Variants in ARHGEF28 observed in about 807,000 individuals in gnomAD.
ARHGEF28 encodes the protein 190 kDa guanine nucleotide exchange factor.
ARHGEF28 carries 152 observed loss-of-function variants against 206.6 expected under a neutral mutation model. The ratio of observed to expected loss-of-function variants is 0.74; its 90% CI spans 0.64 to 0.84. ARHGEF28 has a LOEUF of 0.84. Ranked by LOEUF, ARHGEF28 falls within the 40% of genes least tolerant of loss-of-function variation. ARHGEF28 has a pLI of 0.00. For synonymous variants in ARHGEF28, 763 were observed against 776.4 expected (o/e 0.98, Z 0.29); for missense variants, 2,028 against 2,073.2 (o/e 0.98, Z 0.42).
chr5:73,661,559 A>G (rs899443694), intron 1 of ARHGEF28, among the ~76,000 whole-genome samples: 4 of 152,118 alleles, frequency 2.6e-5, no homozygotes, highest in African/African-American at 9.7e-5. Flanking sequence ...ACTAAGCTCA[A>G]TAATTTCTTG....
intron 2 of ARHGEF28, among the ~76,000 whole-genome samples, chr5:73,691,381 C>T (rs1033767693): frequency 1.3e-5 from 2 of 152,104 alleles, no homozygotes; most frequent in African/African-American, 4.8e-5. Flanking sequence ...GACAGGACCC[C>T]ATTTCCCCTC....
At chr5:73,705,653 G>C (rs1020834329) in intron 2 of ARHGEF28, among the ~76,000 whole-genome samples, 1 of 152,118 alleles carries the variant, frequency 6.6e-6, no homozygotes, top group African/African-American at 2.4e-5. Context: ...TAATGGGATG[G>C]GAAGGGGAGC....
intron 35 of ARHGEF28, among the ~76,000 whole-genome samples, chr5:73,916,386 C>T (rs1763213225): frequency 6.6e-6 from 1 of 152,118 alleles, no homozygotes; most frequent in Non-Finnish European, 1.5e-5. Context: ...ACTAGGGCTG[C>T]CATAACAAAG....
At position 73,806,399 on chromosome 5, in the gene ARHGEF28, C is replaced by CA. The variant is rs556350291; in HGVS notation, c.1024+11009dup. On this transcript the variant is annotated intron_variant, in intron 9 of 35. Transcript: ENST00000513042. ...ATATATAGATATATAGATATATATA[C>CA]ATATATAGATATATAGATATATACT... Among the ~76,000 whole-genome samples the CA allele has an allele frequency of 9.5e-4, 113 of 119,156 alleles. 12 individuals are homozygous for CA. The highest frequency in any genetic ancestry group is 3.5e-3 in the African/African-American group (103 of 29,758). The allele number at this position is 119,156 out of a possible 152,430, so 78.2% of individuals were successfully genotyped here. A position where few individuals can be genotyped will look rare whatever the true frequency, so the allele number is the denominator to read the frequency against.
chr5:73,916,064 AT>A lies in ARHGEF28; in HGVS notation c.4948+4498del, dbSNP rs534877316. Among the ~76,000 whole-genome samples the A allele has an allele frequency of 2.6e-4, 39 of 151,892 alleles. No homozygotes were observed. The South Asian group carries it at 4.8e-3, about 19-fold the overall frequency. On this transcript the variant is annotated intron_variant, in intron 35 of 35. Transcript: ENST00000513042. ...GTATTTAGAATACCTCATCTTGATA[AT>A]TTTTTTTTAAAAGACAGCTGTGTTA...
At chr5:73,789,779 C>G (rs1304713560) in intron 7 of ARHGEF28, among the ~76,000 whole-genome samples, 1 of 152,152 alleles carries the variant, frequency 6.6e-6, no homozygotes, top group East Asian at 1.9e-4. Flanking sequence ...GCCTTGTGAG[C>G]AGCTCAGATA....
chr5:73,685,874 G>A (rs1016161378), intron 2 of ARHGEF28, among the ~76,000 whole-genome samples: 3 of 152,132 alleles, frequency 2.0e-5, no homozygotes, highest in Admixed American at 6.5e-5. Context: ...GAATGCCTCG[G>A]CCTCCCAAAG....
At chr5:73,752,542 T>G (rs1227515588) in intron 3 of ARHGEF28, among the ~76,000 whole-genome samples, 1 of 152,108 alleles carries the variant, frequency 6.6e-6, no homozygotes, top group Non-Finnish European at 1.5e-5. Context: ...CAGGAGGAAA[T>G]GGCAGAGTGG....
chr5:73,674,187 C>T (rs1746514432), intron 1 of ARHGEF28, among the ~76,000 whole-genome samples: 1 of 151,952 alleles, frequency 6.6e-6, no homozygotes, highest in Non-Finnish European at 1.5e-5. Context: ...AAAACAAAAC[C>T]AAAAACAAAA....
At chr5:73,916,458 T>A (rs1293558077) in intron 35 of ARHGEF28, among the ~76,000 whole-genome samples, 1 of 152,144 alleles carries the variant, frequency 6.6e-6, no homozygotes, top group Non-Finnish European at 1.5e-5. Flanking sequence ...AGGCTAGAAT[T>A]AGGGATCAAG....
Position 73,835,832 on chromosome 5 carries a change from C to T in ARHGEF28, c.1146+3373C>T, listed in dbSNP as rs570295678. 3.9e-5 allele frequency among the ~76,000 whole-genome samples: 6 copies of T among 152,172 alleles called. No homozygotes were observed. In the East Asian group the frequency reaches 7.7e-4, roughly 20 times the overall value. ...TGGGACTGAGCCCTGTGGGACCAGA[C>T]TCCATCTCCAGGTCGATAGTGCCAG... On this transcript the variant is annotated intron_variant, in intron 10 of 35. Coordinates refer to ENST00000513042, the MANE Select transcript of ARHGEF28 (RefSeq NM_001177693.2).
intron 2 of ARHGEF28, among the ~76,000 whole-genome samples, chr5:73,712,114 G>A (rs567091938): frequency 1.3e-5 from 2 of 151,960 alleles, no homozygotes; most frequent in African/African-American, 4.8e-5. Flanking sequence ...AATATTGAAC[G>A]AGACATTTCT....
chr5:73,700,572 GGT>G (rs369483037), intron 2 of ARHGEF28, among the ~76,000 whole-genome samples: 40 of 152,242 alleles, frequency 2.6e-4, no homozygotes, highest in African/African-American at 9.1e-4. Flanking sequence ...TGCACAGTTG[GGT>G]GACTATGGTT....
intron 9 of ARHGEF28, among the ~76,000 whole-genome samples, chr5:73,809,426 A>T (rs544288433): frequency 6.2e-4 from 94 of 152,246 alleles, no homozygotes; most frequent in African/African-American, 2.2e-3. Context: ...AATGGGAATG[A>T]CTTGGTTAGG....
rs1304961634 is a variant in ARHGEF28 at position 73,806,300 on chromosome 5, TA to T, written c.1024+10910del. On this transcript the variant is annotated intron_variant, in intron 9 of 35. Transcript: ENST00000513042. The stretch of plus-strand genomic sequence containing the variant: ...ATATACATAGATAGTATATATAGTA[TA>T]GTATATATAGTATATATATACTCTA... Among the ~76,000 whole-genome samples, 5 of 134,416 alleles carry T rather than the reference TA, an allele frequency of 3.7e-5. No individual in the cohort carries two copies. The Admixed American group carries it at 3.8e-4, about 10-fold the overall frequency. The allele number at this position is 134,416 out of a possible 152,430, so 88.2% of individuals were successfully genotyped here.
At chr5:73,827,448 C>G (rs182842985) in intron 9 of ARHGEF28, among the ~76,000 whole-genome samples, 1 of 152,200 alleles carries the variant, frequency 6.6e-6, no homozygotes, top group African/African-American at 2.4e-5. Context: ...CTTACTATGT[C>G]AGAGTCTGCT....
intron 3 of ARHGEF28, 63 bp downstream of exon 3, chr5:73,750,047 T>G: frequency 1.3e-6 from 2 of 1,580,960 alleles, no homozygotes; most frequent in East Asian, 4.5e-5. Context: ...CCTCCAGGGC[T>G]GTAGGCCAGG....
intron 16 of ARHGEF28, among the ~76,000 whole-genome samples, chr5:73,858,991 TC>T (rs1475648840): frequency 6.6e-6 from 1 of 152,056 alleles, no homozygotes; most frequent in Non-Finnish European, 1.5e-5. Context: ...CTCTGGCTGT[TC>T]CTTCTGATTG....
intron 1 of ARHGEF28, among the ~76,000 whole-genome samples, chr5:73,667,889 G>C (rs953449099): frequency 6.6e-6 from 1 of 152,118 alleles, no homozygotes; most frequent in African/African-American, 2.4e-5. Flanking sequence ...CTTAAGACAT[G>C]GACATAAATT....
Sources: allele counts gnomAD v4.1 joint callset (sites outside exome capture counted in the v4.1 genomes callset), GRCh38; gene constraint gnomAD v4.1.1; transcripts MANE v1.5; gene names NCBI Gene and HGNC (gene_info 2026-07-23, HGNC 2026-07-21).